The following TDRD7 variants were observed in gnomAD, a reference collection of about 807,000 sequenced individuals.
TDRD7 encodes tudor domain-containing protein 7.
TDRD7 carries 47 observed loss-of-function variants against 109.8 expected under a neutral mutation model. The ratio of observed to expected loss-of-function variants is 0.43; its 90% CI spans 0.34 to 0.55. TDRD7 has a LOEUF of 0.55. Ranked by LOEUF, TDRD7 falls within the 20% of genes least tolerant of loss-of-function variation. The probability of loss-of-function intolerance (pLI) is 0.03; values close to 1 mark genes in which losing one functional copy is unlikely to be tolerated. For synonymous variants in TDRD7, 424 were observed against 457.3 expected (o/e 0.93, Z 0.93); for missense variants, 1,164 against 1,319.2 (o/e 0.88, Z 1.82).
chr9:97,485,040 A>G (rs928549181), intron 15 of TDRD7, among the ~76,000 whole-genome samples: 1 of 152,220 alleles, frequency 6.6e-6, no homozygotes, highest in African/African-American at 2.4e-5. Flanking sequence ...AAAACAGATA[A>G]TCTGATTTTT....
intron 8 of TDRD7, among the ~76,000 whole-genome samples, chr9:97,466,892 A>T (rs961228877): frequency 6.6e-6 from 1 of 152,218 alleles, no homozygotes; most frequent in Non-Finnish European, 1.5e-5. Context: ...GTATACATTG[A>T]TCAAAGCCCA....
At chr9:97,491,330 G>A (rs779256309) in intron 16 of TDRD7, among the ~76,000 whole-genome samples, 15 of 152,096 alleles carry the variant, frequency 9.9e-5, no homozygotes, top group Admixed American at 8.5e-4. Context: ...CACTGGTACC[G>A]TATTAATCAT....
At chr9:97,413,064 A>G (rs1827747481) in intron 1 of TDRD7, among the ~76,000 whole-genome samples, 1 of 152,234 alleles carries the variant, frequency 6.6e-6, no homozygotes, top group South Asian at 2.1e-4. Context: ...AAGAATTCTG[A>G]TCACCGCCCA....
Position 97,460,273 on chromosome 9 carries a change from T to C in TDRD7, c.951T>C (p.Pro317=). ...LRSELDTEKV[P]LSPLPGPKQT... is the part of the protein sequence containing the mutation. ...GTGAACTGGATACTGAGAAAGTACC[T>C]CTATCCCCACTACCTGGTCCCAAAC... Residue 317 remains proline (P), a synonymous_variant, in exon 7 of 17, where the codon CCT becomes CCC. Coordinates refer to ENST00000355295, the MANE Select transcript of TDRD7 (RefSeq NM_014290.3). The C allele has an allele frequency of 6.2e-7, 1 of 1,614,202 alleles. No individual in the cohort carries two copies. Among genetic ancestry groups the C allele is most frequent in the Non-Finnish European group, 8.5e-7 (1 of 1,180,032 alleles).
chr9:97,452,075 A>C (rs1351119490), intron 6 of TDRD7, among the ~76,000 whole-genome samples: 1 of 152,208 alleles, frequency 6.6e-6, no homozygotes, highest in South Asian at 2.1e-4. Flanking sequence ...CTGGCCTGGC[A>C]TGGCAGCTCA....
At chr9:97,468,772 T>G (rs2131159646) in intron 8 of TDRD7, among the ~76,000 whole-genome samples, 1 of 152,298 alleles carries the variant, frequency 6.6e-6, no homozygotes, top group East Asian at 1.9e-4. Context: ...CTGGGAGACC[T>G]TTGGCCACTT....
intron 7 of TDRD7, among the ~76,000 whole-genome samples, chr9:97,464,090 C>T (rs1341030964): frequency 1.3e-5 from 2 of 152,174 alleles, no homozygotes; most frequent in Non-Finnish European, 2.9e-5. Flanking sequence ...TCTTAGTAAT[C>T]TGTAAAGATT....
At chr9:97,457,423 G>T (rs936641082) in intron 6 of TDRD7, among the ~76,000 whole-genome samples, 9 of 151,848 alleles carry the variant, frequency 5.9e-5, no homozygotes, top group African/African-American at 2.2e-4. Flanking sequence ...CTGTCACCTG[G>T]GCTGGCGTGC....
At position 97,432,022 on chromosome 9, in the gene TDRD7, T is replaced by C; in HGVS notation, c.350-3T>C. 3.7e-6 allele frequency: 6 copies of C among 1,613,684 alleles called. No homozygotes were observed. The highest frequency in any genetic ancestry group is 4.2e-6 in the Non-Finnish European group (5 of 1,179,704). The stretch of plus-strand genomic sequence containing the variant: ...ATTTCGTTATGTATGCCTAACTTCA[T>C]AGGAAAACCAAAAGCAACCCTCAGA... On this transcript the variant is annotated splice_region_variant and splice_polypyrimidine_tract_variant and intron_variant, in intron 3 of 16. Transcript: ENST00000355295.
In TDRD7 at chr9:97,460,724, T is replaced by C. The variant is rs1254463788; in HGVS notation, c.1402T>C (p.Leu468=). 1.2e-6 allele frequency: 2 copies of C among 1,614,076 alleles called. No individual in the cohort carries two copies. Among genetic ancestry groups the C allele is most frequent in the African/African-American group, 2.7e-5 (2 of 74,942 alleles). Residue 468 remains leucine (L), a synonymous_variant, in exon 7 of 17, where the codon TTG becomes CTG. Transcript: ENST00000355295. ...MIPTEASPSV[L]VVELSNTNEV... is the part of the protein sequence containing the mutation. ...TCCAACTGAAGCATCACCATCTGTA[T>C]TGGTGGTTGAACTGAGCAACACAAA... is the stretch of plus-strand genomic sequence containing the variant.
At chr9:97,486,350 G>A (rs1829211463) in intron 15 of TDRD7, among the ~76,000 whole-genome samples, 1 of 152,130 alleles carries the variant, frequency 6.6e-6, no homozygotes, top group Admixed American at 6.5e-5. Context: ...CTTGAAGTCT[G>A]GGTTTTTCTC....
chr9:97,464,826 CT>C lies in TDRD7; in HGVS notation c.1443-12del. ...TAGGTTACTTCATTTGCATTCTCTT[CT>C]TTTAACTGATTCAGGTATGTGGGCA... On this transcript the variant is annotated splice_polypyrimidine_tract_variant and intron_variant, in intron 7 of 16. Transcript: ENST00000355295. 1 of 1,614,060 alleles carries C rather than the reference CT, an allele frequency of 6.2e-7. No homozygotes were observed. The highest frequency in any genetic ancestry group is 8.5e-7 in the Non-Finnish European group (1 of 1,179,948).
At chr9:97,428,711 AT>A in intron 2 of TDRD7, 39 bp downstream of exon 2, 2 of 1,584,844 alleles carry the variant, frequency 1.3e-6, no homozygotes, top group Non-Finnish European at 1.7e-6. Flanking sequence ...AATCAAACCA[AT>A]TCATAATTGC....
intron 15 of TDRD7, among the ~76,000 whole-genome samples, chr9:97,484,572 C>T (rs1829179277): frequency 6.6e-6 from 1 of 151,824 alleles, no homozygotes. Flanking sequence ...CAAACATAGG[C>T]ATGTATAAAG....
At chr9:97,493,557 C>T (rs776031045) in intron 16 of TDRD7, among the ~76,000 whole-genome samples, 1 of 152,280 alleles carries the variant, frequency 6.6e-6, no homozygotes, top group African/African-American at 2.4e-5. Context: ...AATGAAGTTT[C>T]GGGCACACGT....
At chr9:97,429,965 C>T (rs1303666395) in intron 2 of TDRD7, among the ~76,000 whole-genome samples, 1 of 152,150 alleles carries the variant, frequency 6.6e-6, no homozygotes, top group African/African-American at 2.4e-5. Flanking sequence ...ACCCCCGTTG[C>T]TCATACTTGG....
At chr9:97,466,905 A>T (rs1828830056) in intron 8 of TDRD7, among the ~76,000 whole-genome samples, 1 of 152,236 alleles carries the variant, frequency 6.6e-6, no homozygotes, top group Non-Finnish European at 1.5e-5. Flanking sequence ...AAAGCCCATC[A>T]AACTGTATTG....
rs137878640 is a variant in TDRD7, at chr9:97,480,864, A to G, written c.2338A>G (p.Ile780Val). The G allele has an allele frequency of 3.1e-4, 495 of 1,614,098 alleles. No homozygotes were observed. The African/African-American group carries it at 3.5e-3, about 12-fold the overall frequency. Residue 780 changes from isoleucine (I) to valine (V), a missense_variant, in exon 14 of 17, where the codon ATT becomes GTT. Coordinates refer to ENST00000355295, the MANE Select transcript of TDRD7 (RefSeq NM_014290.3). ...CTGTTTAGCAGATCTTCCACAATCT[A>G]TTGGCATGTGGACACCAGATGCAGT... Reference protein sequence around the residue: ...KCCLADLPQSIGMWTPDAVLW... With the variant: ...KCCLADLPQSVGMWTPDAVLW...
chr9:97,462,157 GACTAT>G (rs1298282365), intron 7 of TDRD7, among the ~76,000 whole-genome samples: 1 of 152,122 alleles, frequency 6.6e-6, no homozygotes, highest in African/African-American at 2.4e-5. Flanking sequence ...TTTACCATTT[GACTAT>G]ACTATAAAGA....
Sources: allele counts gnomAD v4.1 joint callset (sites outside exome capture counted in the v4.1 genomes callset), GRCh38; gene constraint gnomAD v4.1.1; transcripts MANE v1.5; gene names NCBI Gene and HGNC (gene_info 2026-07-23, HGNC 2026-07-21).